DDB1: variants seen among roughly 807,000 people sequenced by gnomAD.
The protein encoded by DDB1 is damage specific DNA binding protein 1, also known as DNA damage-binding protein 1.
Under a neutral mutation model 133.1 loss-of-function variants are expected in DDB1, and 18 were observed. The ratio of observed to expected loss-of-function variants is 0.14; its 90% CI spans 0.09 to 0.20. The LOEUF is 0.20. DDB1 is among the 10% of genes least tolerant of loss of function. The pLI is 1.00. For missense variants in DDB1, 828 were observed against 1,459.2 expected, an observed-to-expected ratio of 0.57 and a Z score of 7.05; for synonymous variants, 580 against 550.5, an observed-to-expected ratio of 1.05 and a Z score of -0.75.
At position 61,300,322 on chromosome 11, in the gene DDB1, G is replaced by A. The variant is rs564927814; in HGVS notation, c.3340-103C>T. The A allele has an allele frequency of 2.3e-5, 28 of 1,218,410 alleles. 1 individual carries two copies. The highest frequency in any genetic ancestry group is 2.2e-4 in the South Asian group (17 of 77,538). 75.5% of individuals were successfully genotyped at this position (1,218,410 alleles called of 1,614,324 possible). ...GAAGGAGGCACAAGACTCCACCATTGTCATGGCAGAGGAAGGACTCACCAG... is the reference window on the plus strand; with the variant it reads ...GAAGGAGGCACAAGACTCCACCATTATCATGGCAGAGGAAGGACTCACCAG... On this transcript the variant is annotated intron_variant, in intron 26 of 26. Transcript: ENST00000301764.
At chr11:61,302,464 G>C in intron 24 of DDB1, 105 bp from the exon 25 acceptor site, 1 of 1,566,970 alleles carries the variant, frequency 6.4e-7, no homozygotes, top group Non-Finnish European at 8.7e-7. Context: ...GGGCTAATGT[G>C]CTGCAGCCTC....
At position 61,321,558 on chromosome 11, in the gene DDB1, T is replaced by C. The variant is rs770763678; in HGVS notation, c.1225+37A>G. On this transcript the variant is annotated intron_variant, in intron 10 of 26. Coordinates refer to ENST00000301764, the MANE Select transcript of DDB1 (RefSeq NM_001923.5). The stretch of plus-strand genomic sequence containing the variant: ...CATGTAACAAGGCCAAAGTCCCTCA[T>C]GTAAGATCTACATCCTATGCCCACC... The C allele has an allele frequency of 1.4e-5, 23 of 1,596,918 alleles. No homozygotes were observed. In the South Asian group the frequency reaches 2.4e-4, roughly 17 times the overall value.
At chr11:61,332,824 C>T in intron 1 of DDB1, 84 bp downstream of exon 1, 2 of 1,258,290 alleles carry the variant, frequency 1.6e-6, no homozygotes, top group South Asian at 3.8e-5. Flanking sequence ...CCTGCCCGGC[C>T]GCCCCCGGGG....
chr11:61,329,878 C>T (rs1246052762), intron 3 of DDB1, 80 bp downstream of exon 3: 3 of 1,209,832 alleles, frequency 2.5e-6, no homozygotes, highest in African/African-American at 3.0e-5. Flanking sequence ...TAGAGAGCTG[C>T]CCCCAGCACT....
chr11:61,327,976 C>A (rs1475990701), intron 4 of DDB1, among the ~76,000 whole-genome samples: 1 of 152,126 alleles, frequency 6.6e-6, no homozygotes, highest in South Asian at 2.1e-4. Context: ...AAACATTTTC[C>A]CATCAATGAG....
intron 6 of DDB1, among the ~76,000 whole-genome samples, chr11:61,325,324 C>A (rs1017637185): frequency 6.6e-6 from 1 of 152,078 alleles, no homozygotes; most frequent in Admixed American, 6.6e-5. Flanking sequence ...CCAGCCTGAG[C>A]GACAGAGTAA....
At chr11:61,331,486 A>C in intron 2 of DDB1, 57 bp downstream of exon 2, 1 of 1,581,792 alleles carries the variant, frequency 6.3e-7, no homozygotes. Context: ...AAATAACATA[A>C]AACAACCTAC....
At chr11:61,304,698 C>T (rs979167872) in intron 21 of DDB1, among the ~76,000 whole-genome samples, 1 of 151,618 alleles carries the variant, frequency 6.6e-6, no homozygotes, top group African/African-American at 2.4e-5. Context: ...CACGGTGAAA[C>T]CCCGTCTCTA....
chr11:61,309,409 C>A (rs912757315), intron 20 of DDB1, among the ~76,000 whole-genome samples: 1 of 151,976 alleles, frequency 6.6e-6, no homozygotes, highest in African/African-American at 2.4e-5. Context: ...GTGGGTGTAA[C>A]GAGAAAAGAT....
chr11:61,304,891 A>G (rs867459695), intron 21 of DDB1, among the ~76,000 whole-genome samples: 1 of 151,434 alleles, frequency 6.6e-6, no homozygotes, highest in African/African-American at 2.4e-5. Flanking sequence ...AAAAAAAAAA[A>G]GGAAAAAAAA....
chr11:61,316,996 T>G lies in DDB1; in HGVS notation c.1226-429A>C, dbSNP rs373514319. On this transcript the variant is annotated intron_variant, in intron 10 of 26. Coordinates refer to ENST00000301764, the MANE Select transcript of DDB1 (RefSeq NM_001923.5). ...ATATATATATATATATATATATATATATAGACATGGCAGCCTGACACCACT... is the reference window on the plus strand; with the variant it reads ...ATATATATATATATATATATATATAGATAGACATGGCAGCCTGACACCACT... Among the ~76,000 whole-genome samples, 86 of 92,280 alleles carry G rather than the reference T, an allele frequency of 9.3e-4. 1 individual carries two copies. Among genetic ancestry groups the G allele is most frequent in the Non-Finnish European group, 1.2e-3 (50 of 41,902 alleles). 60.5% of individuals were successfully genotyped at this position (92,280 alleles called of 152,430 possible).
At chr11:61,302,467 G>T in intron 24 of DDB1, 108 bp from the exon 25 acceptor site, 1 of 1,569,070 alleles carries the variant, frequency 6.4e-7, no homozygotes, top group Non-Finnish European at 8.7e-7. Flanking sequence ...CTAATGTGCT[G>T]CAGCCTCCTC....
rs1855780958 is a variant in DDB1, at chr11:61,300,823, C to A, written c.3325G>T (p.Val1109Leu). 2.5e-6 allele frequency: 4 copies of A among 1,614,210 alleles called. No homozygotes were observed. Among genetic ancestry groups the A allele is most frequent in the Non-Finnish European group, 3.4e-6 (4 of 1,180,030 alleles). ...ACACAGCTCACCTGTAGGTTTGCCA[C>A]CACCTCCTGCATCTTGGGGCGGCTA... is the stretch of plus-strand genomic sequence containing the variant. ...DISRPKMQEVVANLQYDDGSG... is the reference protein window; with the variant it reads ...DISRPKMQEVLANLQYDDGSG... Residue 1109 changes from valine (V) to leucine (L), a missense_variant, in exon 26 of 27, where the codon GTG (valine) becomes TTG (leucine). Coordinates refer to ENST00000301764, the MANE Select transcript of DDB1 (RefSeq NM_001923.5).
chr11:61,329,925 A>C, intron 3 of DDB1, 33 bp downstream of exon 3: 1 of 1,570,360 alleles, frequency 6.4e-7, no homozygotes, highest in Non-Finnish European at 8.7e-7. Flanking sequence ...CCCTACTTAG[A>C]AAACTTTCAT....
chr11:61,302,772 C>T, intron 23 of DDB1, 21 bp from the exon 24 acceptor site: 1 of 1,613,820 alleles, frequency 6.2e-7, no homozygotes, highest in Non-Finnish European at 8.5e-7. Flanking sequence ...GTAAGAAAGT[C>T]ACTTTCTGAA....
chr11:61,327,151 T>C (rs1856282726), intron 4 of DDB1, among the ~76,000 whole-genome samples: 1 of 152,146 alleles, frequency 6.6e-6, no homozygotes, highest in Non-Finnish European at 1.5e-5. Flanking sequence ...AAAAATGAAC[T>C]TGTCACACTG....
Position 61,321,815 on chromosome 11 carries a change from T to C in DDB1, c.1123-118A>G, listed in dbSNP as rs1590695239. 1.3e-5 allele frequency: 11 copies of C among 871,496 alleles called. No individual in the cohort carries two copies. In the East Asian group the frequency reaches 2.7e-4, roughly 21 times the overall value. 54.0% of individuals were successfully genotyped at this position (871,496 alleles called of 1,614,324 possible). A position where few individuals can be genotyped will look rare whatever the true frequency, so the allele number is the denominator to read the frequency against. ...CAAGAACCTTTATTGTGGGGCTAGG[T>C]TTGAGGATGCAGACTTGGCAGAGGT... On this transcript the variant is annotated intron_variant, in intron 9 of 26. Coordinates refer to ENST00000301764, the MANE Select transcript of DDB1 (RefSeq NM_001923.5).
In DDB1 at chr11:61,325,908, G is replaced by A. The variant is rs997709102; in HGVS notation, c.665-200C>T. On this transcript the variant is annotated intron_variant, in intron 5 of 26. Transcript: ENST00000301764. ...AACTGGCCATTATCTAATCCTGGTAGTATTTTTACTGCCACTCTTCTGGTG... is the reference window on the plus strand; with the variant it reads ...AACTGGCCATTATCTAATCCTGGTAATATTTTTACTGCCACTCTTCTGGTG... The A allele has an allele frequency of 1.6e-4, 105 of 643,934 alleles. 1 individual carries two copies. The highest frequency in any genetic ancestry group is 4.5e-5 in the Non-Finnish European group (16 of 355,512). The allele number at this position is 643,934 out of a possible 1,614,324, so 39.9% of individuals were successfully genotyped here.
intron 2 of DDB1, 78 bp from the exon 3 acceptor site, chr11:61,330,152 ATTCT>A: frequency 8.4e-7 from 1 of 1,191,600 alleles, no homozygotes; most frequent in Non-Finnish European, 1.2e-6. Context: ...AGCACACCAA[ATTCT>A]TTAAGAATTT....
Sources: gnomAD v4.1 joint callset for allele counts (sites outside exome capture counted in the v4.1 genomes callset) on GRCh38, gnomAD v4.1.1 for gene constraint, MANE v1.5 for transcripts, NCBI Gene and HGNC (gene_info 2026-07-23, HGNC 2026-07-21) for gene names.